Variants in RPTOR observed in about 807,000 individuals in gnomAD.
RPTOR encodes regulatory associated protein of MTOR complex 1, also known as regulatory-associated protein of mTOR.
In RPTOR, 21 loss-of-function variants were observed where a neutral mutation model predicts 169.9. The ratio of observed to expected loss-of-function variants is 0.12; its 90% CI spans 0.09 to 0.18. The LOEUF (loss-of-function observed/expected upper bound fraction) is 0.18. Among genes scored for constraint, RPTOR ranks in the 10% least tolerant of loss-of-function variants. The probability of loss-of-function intolerance (pLI) is 1.00; values close to 1 mark genes in which losing one functional copy is unlikely to be tolerated. For synonymous variants in RPTOR, 732 were observed against 753.2 expected (o/e 0.97, Z 0.46); for missense variants, 1,133 against 1,855.9 (o/e 0.61, Z 7.16).
intron 20 of RPTOR, among the ~76,000 whole-genome samples, chr17:80,903,020 G>A (rs1173676169): frequency 6.6e-6 from 1 of 152,216 alleles, no homozygotes; most frequent in Admixed American, 6.5e-5. Flanking sequence ...GGGCTAGATG[G>A]GACCAGTTTT....
chr17:80,958,139 C>T (rs192275735), intron 29 of RPTOR, among the ~76,000 whole-genome samples: 42 of 145,710 alleles, frequency 2.9e-4, no homozygotes, highest in Admixed American at 6.9e-4. Context: ...GGAGTGCAGT[C>T]GTGCAATCAC....
At chr17:80,883,673 A>G in intron 15 of RPTOR, 108 bp from the exon 16 acceptor site, 1 of 1,346,818 alleles carries the variant, frequency 7.4e-7, no homozygotes, top group South Asian at 1.2e-5. Flanking sequence ...AATTGAGCAA[A>G]TCAAGGCTTC....
intron 9 of RPTOR, among the ~76,000 whole-genome samples, chr17:80,825,922 G>A (rs1375272061): frequency 2.0e-5 from 3 of 152,196 alleles, no homozygotes; most frequent in East Asian, 3.9e-4. Flanking sequence ...GGAAGTAGAC[G>A]GAGACGGAGG....
At chr17:80,832,227 T>C (rs28377011) in intron 9 of RPTOR, among the ~76,000 whole-genome samples, 14,897 of 152,290 alleles carry the variant, frequency 0.098, 887 homozygotes, top group African/African-American at 0.15. Flanking sequence ...CAAATGGGCA[T>C]GTGTGAGCAT....
chr17:80,914,827 G>C (rs2068653874), intron 21 of RPTOR, among the ~76,000 whole-genome samples: 1 of 152,232 alleles, frequency 6.6e-6, no homozygotes, highest in African/African-American at 2.4e-5. Flanking sequence ...AGGCAGACAG[G>C]GTCCTGGGCA....
intron 1 of RPTOR, among the ~76,000 whole-genome samples, chr17:80,578,369 C>T (rs1343676704): frequency 6.6e-6 from 1 of 152,140 alleles, no homozygotes. Context: ...TCCAAAGTGG[C>T]GTGTCAGCTG....
At chr17:80,849,387 T>G (rs1567947965) in intron 11 of RPTOR, among the ~76,000 whole-genome samples, 2 of 152,314 alleles carry the variant, frequency 1.3e-5, no homozygotes, top group East Asian at 3.9e-4. Context: ...CCTGTAAACG[T>G]GAGCATGGAA....
At chr17:80,901,503 T>C (rs7502391) in intron 20 of RPTOR, among the ~76,000 whole-genome samples, 126,290 of 152,034 alleles carry the variant, frequency 0.83, 52,783 homozygotes, top group African/African-American at 0.92. Flanking sequence ...AAGTCGCCCC[T>C]GCAAAGCCAG....
At chr17:80,766,506 C>A (rs904358956) in intron 6 of RPTOR, among the ~76,000 whole-genome samples, 14 of 152,236 alleles carry the variant, frequency 9.2e-5, no homozygotes, top group Admixed American at 7.2e-4. Context: ...TGAGCCACCA[C>A]GCCTGATCCC....
chr17:80,591,146 A>C (rs9904962), intron 1 of RPTOR, among the ~76,000 whole-genome samples: 9 of 36,484 alleles, frequency 2.5e-4, no homozygotes, highest in Admixed American at 6.7e-4. Flanking sequence ...CTGCCTGCCC[A>C]GCCCCCTCCC....
At position 80,605,525 on chromosome 17, in the gene RPTOR, C is replaced by G. The variant is rs192882292; in HGVS notation, c.163-20166C>G. ...CCGTGTCTCAGTTCTGGACCATGGC[C>G]GAGAGGAAGTGCATAGTCTTAAGTC... On this transcript the variant is annotated intron_variant, in intron 1 of 33. Coordinates refer to ENST00000306801, the MANE Select transcript of RPTOR (RefSeq NM_020761.3). Among the ~76,000 whole-genome samples the G allele has an allele frequency of 2.0e-3, 310 of 152,026 alleles. 2 individuals are homozygous for G. The highest frequency in any genetic ancestry group is 7.2e-3 in the African/African-American group (300 of 41,456).
At chr17:80,653,161 T>G (rs891544749) in intron 3 of RPTOR, among the ~76,000 whole-genome samples, 1 of 152,222 alleles carries the variant, frequency 6.6e-6, no homozygotes, top group Non-Finnish European at 1.5e-5. Flanking sequence ...TGTGAGGACT[T>G]GTTTCCTTTC....
intron 6 of RPTOR, among the ~76,000 whole-genome samples, chr17:80,778,547 T>C (rs1215443144): frequency 6.6e-6 from 1 of 152,214 alleles, no homozygotes; most frequent in East Asian, 1.9e-4. Flanking sequence ...ATGGTCATTC[T>C]GCGTTTCAAG....
intron 2 of RPTOR, among the ~76,000 whole-genome samples, chr17:80,642,377 C>T (rs1367552192): frequency 3.3e-5 from 5 of 151,876 alleles, no homozygotes; most frequent in African/African-American, 1.2e-4. Flanking sequence ...CCACCTTGGC[C>T]TCTCAAAGTG....
Position 80,936,425 on chromosome 17 carries a change from G to A in RPTOR, c.2920-4071G>A, listed in dbSNP as rs2068955095. On this transcript the variant is annotated intron_variant, in intron 24 of 33. Coordinates refer to ENST00000306801, the MANE Select transcript of RPTOR (RefSeq NM_020761.3). The surrounding 1 kb of genome is among the most constrained non-coding windows in gnomAD (Gnocchi z 4.1). ...AATGTTTATAGTGACTGTATTCATA[G>A]TCACCAAAAACTGGAAACAACCCAA... 6.6e-6 allele frequency among the ~76,000 whole-genome samples: 1 copy of A among 152,144 alleles called. No homozygotes were observed. The highest frequency in any genetic ancestry group is 1.5e-5 in the Non-Finnish European group (1 of 68,032).
chr17:80,791,036 T>C (rs775447700), intron 6 of RPTOR, among the ~76,000 whole-genome samples: 2 of 152,128 alleles, frequency 1.3e-5, no homozygotes, highest in African/African-American at 4.8e-5. Context: ...TGCATTTCTT[T>C]TGTGTGTCTT....
chr17:80,594,167 C>T (rs1411991360), intron 1 of RPTOR, among the ~76,000 whole-genome samples: 1 of 152,130 alleles, frequency 6.6e-6, no homozygotes, highest in Non-Finnish European at 1.5e-5. Flanking sequence ...GATCTCGGCT[C>T]ACCACAACCT....
chr17:80,960,081 A>T lies in RPTOR; in HGVS notation c.3481A>T (p.Ile1161Phe), dbSNP rs1277429730. 1.2e-6 allele frequency: 2 copies of T among 1,613,412 alleles called. No individual in the cohort carries two copies. Among genetic ancestry groups the T allele is most frequent in the African/African-American group, 2.7e-5 (2 of 74,888 alleles). The change falls in exon 30 of 34, where the codon ATC becomes TTC. Residue 1161 changes from isoleucine (I) to phenylalanine (F), a missense_variant. Transcript: ENST00000306801. This position sits in a 1 kb window ranked among gnomAD's most constrained non-coding sequence, Gnocchi z 4.8. ...DTDREMKVQD[I>F]PTGADSCVTS... ...GGCTGCCTGTGTTTGGCTCTAGGAC[A>T]TCCCTACGGGCGCAGACAGCTGTGT...
intron 5 of RPTOR, among the ~76,000 whole-genome samples, chr17:80,753,207 G>T (rs546492007): frequency 6.6e-6 from 1 of 152,276 alleles, no homozygotes; most frequent in East Asian, 1.9e-4. Context: ...CTCTTTTGAT[G>T]GGTCGCTTTA....
Sources: allele counts gnomAD v4.1 joint callset (sites outside exome capture counted in the v4.1 genomes callset), GRCh38; gene constraint gnomAD v4.1.1; non-coding constraint Gnocchi (gnomAD v3.1); transcripts MANE v1.5; gene names NCBI Gene and HGNC (gene_info 2026-07-23, HGNC 2026-07-21).